DUSP18: variants seen among roughly 807,000 people sequenced by gnomAD.
DUSP18 encodes the protein dual specificity protein phosphatase 18.
A neutral mutation model predicts 6.3 loss-of-function variants in DUSP18; 4 were observed. That is an observed-to-expected ratio of 0.63 (90% CI 0.31 to 1.45). The LOEUF (loss-of-function observed/expected upper bound fraction) is 1.45. DUSP18 is among the 40% of genes most tolerant of loss of function. DUSP18 has a pLI of 0.07. For synonymous variants in DUSP18, 96 were observed against 95.1 expected, an observed-to-expected ratio of 1.01 and a Z score of -0.05; for missense variants, 235 against 247.7, an observed-to-expected ratio of 0.95 and a Z score of 0.34.
chr22:30,665,866 T>C (rs149994454), intron 1 of DUSP18, among the ~76,000 whole-genome samples: 3 of 151,774 alleles, frequency 2.0e-5, no homozygotes, highest in African/African-American at 4.8e-5. Context: ...CAGCTATGAC[T>C]CTGCCTTCTG....
chr22:30,654,140 C>T (rs1001046748), intron 2 of DUSP18: 11 of 232,494 alleles, frequency 4.7e-5, no homozygotes, highest in Non-Finnish European at 6.8e-5. Context: ...CCACCACGCC[C>T]GGCTATTTTT....
chr22:30,659,187 G>A (rs1258534109), downstream of DUSP18, among the ~76,000 whole-genome samples: 3 of 150,668 alleles, frequency 2.0e-5, no homozygotes, highest in African/African-American at 7.3e-5. Flanking sequence ...TAGCCCACAG[G>A]AGACAGATGA....
intron 2 of DUSP18, chr22:30,652,414 CTA>C (rs1314933419): frequency 6.6e-6 from 1 of 152,174 alleles, no homozygotes; most frequent in Non-Finnish European, 1.5e-5. Flanking sequence ...AATGTTAGTC[CTA>C]TATAGGCAAT....
downstream of DUSP18, among the ~76,000 whole-genome samples, chr22:30,658,391 T>G (rs1012552249): frequency 2.6e-5 from 4 of 151,948 alleles, no homozygotes; most frequent in African/African-American, 9.7e-5. Context: ...AAAAAATTTT[T>G]TTTTTTTGGG....
At chr22:30,664,623 C>G (rs2088585431) in intron 1 of DUSP18, among the ~76,000 whole-genome samples, 1 of 152,240 alleles carries the variant, frequency 6.6e-6, no homozygotes, top group African/African-American at 2.4e-5. Flanking sequence ...TGCTGGCAGT[C>G]ACTGAGGAGG....
At chr22:30,659,007 C>T (rs1294712890), downstream of DUSP18, among the ~76,000 whole-genome samples, 1 of 151,726 alleles carries the variant, frequency 6.6e-6, no homozygotes, top group East Asian at 1.9e-4. Context: ...CCCTGTAGTC[C>T]CAGCTATTCG....
downstream of DUSP18, among the ~76,000 whole-genome samples, chr22:30,660,841 A>ATTTTT (rs201034099): frequency 6.2e-5 from 9 of 144,304 alleles, no homozygotes; most frequent in Non-Finnish European, 9.2e-5. Flanking sequence ...GCATAGAACA[A>ATTTTT]TTTTTTTTTT....
At chr22:30,659,382 CTTTTT>C (rs755290014), downstream of DUSP18, among the ~76,000 whole-genome samples, 2 of 151,766 alleles carry the variant, frequency 1.3e-5, no homozygotes, top group Admixed American at 1.3e-4. Context: ...TTTTTTCTCT[CTTTTT>C]TTTGAGATGG....
rs370884993 is a variant in DUSP18, at chr22:30,663,760, A to T, written c.244T>A (p.Phe82Ile). Residue 82 changes from phenylalanine (F) to isoleucine (I), a missense_variant, in exon 2 of 2, where the codon TTC becomes ATC. Physicochemically the swap from Phe to Ile is conservative, Grantham distance 21 (BLOSUM62 0). Transcript: ENST00000334679. ...ADSPNSRLCDFFDPIADHIHS... is the reference protein window; with the variant it reads ...ADSPNSRLCDIFDPIADHIHS... The stretch of plus-strand genomic sequence containing the variant: ...ATATGGTCAGCAATAGGGTCAAAGA[A>T]GTCACAGAGACGTGAGTTAGGGGAG... 2.4e-5 allele frequency: 38 copies of T among 1,614,110 alleles called. No homozygotes were observed. The Admixed American group carries it at 5.5e-4, about 23-fold the overall frequency.
At chr22:30,654,491 C>A in intron 2 of DUSP18, 1 of 431,664 alleles carries the variant, frequency 2.3e-6, no homozygotes, top group South Asian at 1.7e-5. Flanking sequence ...TGGTGGGATG[C>A]CGTTAAACAC....
At chr22:30,657,141 G>C (rs189997231), downstream of DUSP18, among the ~76,000 whole-genome samples, 1 of 151,976 alleles carries the variant, frequency 6.6e-6, no homozygotes, top group Non-Finnish European at 1.5e-5. Context: ...AAGCATGTAA[G>C]ATAAATTTCT....
At chr22:30,652,988 G>A (rs935807445) in intron 2 of DUSP18, among the ~76,000 whole-genome samples, 6 of 152,224 alleles carry the variant, frequency 3.9e-5, no homozygotes, top group Non-Finnish European at 8.8e-5. Context: ...GATTGAGGAC[G>A]TGAGGACATA....
At chr22:30,664,280 G>C (rs1425176580) in intron 1 of DUSP18, among the ~76,000 whole-genome samples, 200 bp from the exon 2 acceptor site, 2 of 152,194 alleles carry the variant, frequency 1.3e-5, no homozygotes, top group East Asian at 3.9e-4. Context: ...TCGGGGTGAA[G>C]AGCATGAATC....
chr22:30,664,129 T>A, intron 1 of DUSP18, 49 bp from the exon 2 acceptor site: 1 of 827,414 alleles, frequency 1.2e-6, no homozygotes, highest in Admixed American at 2.6e-5. Context: ...AGAGGGCCAA[T>A]TCCAGGGGAT....
At chr22:30,654,305 T>G (rs16988936) in intron 2 of DUSP18, 20,210 of 459,350 alleles carry the variant, frequency 0.044, 1,297 homozygotes, top group East Asian at 0.24. Context: ...TGTTTCTTAT[T>G]CTGGTAGTGG....
At chr22:30,652,545 AAT>A (rs1247780279) in intron 2 of DUSP18, among the ~76,000 whole-genome samples, 4 of 152,252 alleles carry the variant, frequency 2.6e-5, no homozygotes, top group Admixed American at 6.5e-5. Flanking sequence ...CCCAGGAATG[AAT>A]AAAGACAACT....
At chr22:30,661,288 A>G (rs938157082), downstream of DUSP18, among the ~76,000 whole-genome samples, 20 of 152,214 alleles carry the variant, frequency 1.3e-4, no homozygotes, top group Non-Finnish European at 1.0e-4. Flanking sequence ...ACTTTTTGAG[A>G]GCTGAAATGA....
chr22:30,665,439 C>A, intron 1 of DUSP18: 1 of 453,312 alleles, frequency 2.2e-6, no homozygotes, highest in Admixed American at 2.4e-5. Context: ...CCTCTCCAGC[C>A]AGTGGCCTTT....
chr22:30,663,662 C>A lies in DUSP18; in HGVS notation c.342G>T (p.Leu114=). The change falls in exon 2 of 2, where the codon CTG becomes CTT. Residue 114 remains leucine (L), a synonymous_variant. Coordinates refer to ENST00000334679, the MANE Select transcript of DUSP18 (RefSeq NM_152511.5). The part of the protein sequence containing the change: ...CAAGVSRSAA[L]CLAYLMKYHA... ...GGTACTTCATGAGGTAGGCGAGGCACAGGGCAGCTGAGCGGCTCACACCAG... is the reference window on the plus strand; with the variant it reads ...GGTACTTCATGAGGTAGGCGAGGCAAAGGGCAGCTGAGCGGCTCACACCAG... 1.2e-6 allele frequency: 2 copies of A among 1,614,206 alleles called. No individual in the cohort carries two copies. The highest frequency in any genetic ancestry group is 2.2e-5 in the South Asian group (2 of 91,082).
Sources: gnomAD v4.1 joint callset for allele counts (sites outside exome capture counted in the v4.1 genomes callset) on GRCh38, gnomAD v4.1.1 for gene constraint, MANE v1.5 for transcripts, NCBI Gene and HGNC (gene_info 2026-07-23, HGNC 2026-07-21) for gene names.